ITPR2: variants seen among roughly 807,000 people sequenced by gnomAD.
ITPR2 encodes the protein inositol 1,4,5-trisphosphate-gated calcium channel ITPR2.
Under a neutral mutation model 317.1 loss-of-function variants are expected in ITPR2, and 207 were observed. The observed-to-expected ratio is 0.65, with a 90% CI of 0.58 to 0.73. The LOEUF (loss-of-function observed/expected upper bound fraction) is 0.73, where lower values mean the gene tolerates loss of function less well. Among genes scored for constraint, ITPR2 ranks in the 30% least tolerant of loss-of-function variants. The pLI is 0.00. For missense variants in ITPR2, 2,613 were observed against 3,284.0 expected (o/e 0.80, Z 4.99); for synonymous variants, 1,156 against 1,149.1 (o/e 1.01, Z -0.12).
chr12:26,573,976 C>G (rs998734628), intron 34 of ITPR2, among the ~76,000 whole-genome samples: 1 of 151,982 alleles, frequency 6.6e-6, no homozygotes, highest in South Asian at 2.1e-4. Flanking sequence ...CATCCATGTC[C>G]GATGATGGTA....
intron 1 of ITPR2, among the ~76,000 whole-genome samples, chr12:26,791,948 T>C (rs1350911023): frequency 2.6e-5 from 4 of 152,202 alleles, no homozygotes; most frequent in Admixed American, 1.3e-4. Flanking sequence ...AATTACATAA[T>C]GTAAAAATTA....
intron 8 of ITPR2, among the ~76,000 whole-genome samples, chr12:26,711,587 G>A (rs1228473967): frequency 2.0e-5 from 3 of 152,136 alleles, no homozygotes; most frequent in Non-Finnish European, 4.4e-5. Context: ...CATTTACTTG[G>A]CAGCTTGCAT....
At chr12:26,721,971 T>A (rs185735964) in intron 5 of ITPR2, among the ~76,000 whole-genome samples, 209 of 152,232 alleles carry the variant, frequency 1.4e-3, no homozygotes, top group African/African-American at 4.9e-3. Context: ...TTATAGACTG[T>A]CAGCAGCTGG....
intron 55 of ITPR2, among the ~76,000 whole-genome samples, chr12:26,363,737 T>C (rs531010836): frequency 1.7e-4 from 26 of 152,002 alleles, no homozygotes; most frequent in South Asian, 4.2e-4. Context: ...CCTGCACATG[T>C]ATCCCAGCAC....
chr12:26,577,588 A>G (rs1360288812), intron 34 of ITPR2, among the ~76,000 whole-genome samples: 1 of 152,178 alleles, frequency 6.6e-6, no homozygotes, highest in East Asian at 1.9e-4. Flanking sequence ...AAGTCTGTTA[A>G]GTATAATACT....
Position 26,768,584 on chromosome 12 carries a change from A to AAC in ITPR2, c.163+21572_163+21573insGT, listed in dbSNP as rs1565748826. Reference sequence around the variant, plus strand: ...TACAAATATATATAAAAAAAAAAAAAAAAAAAAAAAAAACCTCCTGTTTCC... The same window carrying AAC: ...TACAAATATATATAAAAAAAAAAAAAACAAAAAAAAAAAAACCTCCTGTTTCC... On this transcript the variant is annotated intron_variant, in intron 2 of 56. Coordinates refer to ENST00000381340, the MANE Select transcript of ITPR2 (RefSeq NM_002223.4). Among the ~76,000 whole-genome samples, 5 of 113,888 alleles carry AAC rather than the reference A, an allele frequency of 4.4e-5. 1 individual carries two copies. The allele number at this position is 113,888 out of a possible 152,430, so 74.7% of individuals were successfully genotyped here. A position where few individuals can be genotyped will look rare whatever the true frequency, so the allele number is the denominator to read the frequency against.
At position 26,658,043 on chromosome 12, in the gene ITPR2, A is replaced by G. The variant is rs1565671497; in HGVS notation, c.1974T>C (p.Ser658=). Residue 658 remains serine (S), a synonymous_variant, in exon 17 of 57, where the codon AGT becomes AGC. Transcript: ENST00000381340. Reference sequence around the variant, plus strand: ...GAATGAGAATGTCTGCATTGCCTGGACTCAACATAAATTTACAGATGAGTT... The same window carrying G: ...GAATGAGAATGTCTGCATTGCCTGGGCTCAACATAAATTTACAGATGAGTT... The part of the protein sequence containing the change: ...TQELICKFML[S]PGNADILIQT... 1.9e-6 allele frequency: 3 copies of G among 1,613,404 alleles called. No homozygotes were observed. Among genetic ancestry groups the G allele is most frequent in the Non-Finnish European group, 2.5e-6 (3 of 1,179,618 alleles).
intron 15 of ITPR2, among the ~76,000 whole-genome samples, chr12:26,660,785 T>C (rs1192663625): frequency 6.6e-6 from 1 of 152,122 alleles, no homozygotes; most frequent in Non-Finnish European, 1.5e-5. Flanking sequence ...TGTTAATAAA[T>C]AACTAAATGA....
intron 1 of ITPR2, among the ~76,000 whole-genome samples, chr12:26,824,325 C>A (rs1363016984): frequency 6.6e-6 from 1 of 152,130 alleles, no homozygotes; most frequent in Non-Finnish European, 1.5e-5. Context: ...AATTGTAAAT[C>A]AAACCATCAA....
At chr12:26,498,988 C>T (rs554697899) in intron 37 of ITPR2, among the ~76,000 whole-genome samples, 1 of 152,172 alleles carries the variant, frequency 6.6e-6, no homozygotes. Context: ...AGACATGAAC[C>T]TGGCCCTGGA....
chr12:26,617,601 AAAAGAAAAGAGG>A (rs1258373956), intron 26 of ITPR2, among the ~76,000 whole-genome samples: 2 of 151,836 alleles, frequency 1.3e-5, no homozygotes, highest in African/African-American at 2.4e-5. Flanking sequence ...AGAAAGAAAG[AAAAGAAAAGAGG>A]AAAGAAAAGA....
At chr12:26,686,677 C>A in intron 10 of ITPR2, 45 bp from the exon 11 acceptor site, 1 of 1,513,498 alleles carries the variant, frequency 6.6e-7, no homozygotes, top group Non-Finnish European at 9.0e-7. Flanking sequence ...ACGTTTCTTG[C>A]TAAACTCTCC....
In ITPR2 at chr12:26,695,756, A is replaced by G. The variant is rs1223793354; in HGVS notation, c.952-106T>C. On this transcript the variant is annotated intron_variant, in intron 9 of 56. Coordinates refer to ENST00000381340, the MANE Select transcript of ITPR2 (RefSeq NM_002223.4). The stretch of plus-strand genomic sequence containing the variant: ...TATTCTATCCTCAACTAAGTTTAAT[A>G]TAAAAAGATGCTAAGAAAGAAACTA... 9.8e-6 allele frequency: 7 copies of G among 712,534 alleles called. No individual in the cohort carries two copies. The African/African-American group carries it at 1.3e-4, about 13-fold the overall frequency. The allele number at this position is 712,534 out of a possible 1,614,324, so 44.1% of individuals were successfully genotyped here.
At chr12:26,379,066 G>A (rs1346955197) in intron 55 of ITPR2, among the ~76,000 whole-genome samples, 1 of 152,192 alleles carries the variant, frequency 6.6e-6, no homozygotes, top group Non-Finnish European at 1.5e-5. Context: ...CACATTGTAT[G>A]GGATCGAATA....
intron 26 of ITPR2, among the ~76,000 whole-genome samples, chr12:26,602,973 C>T (rs1213604675): frequency 2.0e-5 from 3 of 152,096 alleles, no homozygotes. Flanking sequence ...AGTTTTCATA[C>T]ATATTATTAG....
chr12:26,623,852 T>C (rs1481434744), intron 24 of ITPR2, among the ~76,000 whole-genome samples: 2 of 152,220 alleles, frequency 1.3e-5, no homozygotes, highest in Admixed American at 1.3e-4. Flanking sequence ...TCTTGTTTTA[T>C]TTAATCATGG....
At chr12:26,622,442 T>A in intron 24 of ITPR2, 37 bp from the exon 25 acceptor site, 1 of 1,482,900 alleles carries the variant, frequency 6.7e-7, no homozygotes, top group Non-Finnish European at 9.2e-7. Context: ...TGACTCCTAT[T>A]TATATAACAT....
chr12:26,536,252 C>T (rs906574167), intron 37 of ITPR2, among the ~76,000 whole-genome samples: 1 of 152,182 alleles, frequency 6.6e-6, no homozygotes, highest in African/African-American at 2.4e-5. Context: ...TCCCGAAGAA[C>T]TCAGGGTGGT....
chr12:26,388,647 T>C (rs1007960494), intron 54 of ITPR2, among the ~76,000 whole-genome samples: 5 of 151,898 alleles, frequency 3.3e-5, no homozygotes, highest in African/African-American at 1.2e-4. Flanking sequence ...TTTTTCTCTG[T>C]AGAGATGGAG....
Sources: gnomAD v4.1 joint callset for allele counts (sites outside exome capture counted in the v4.1 genomes callset) on GRCh38, gnomAD v4.1.1 for gene constraint, MANE v1.5 for transcripts, NCBI Gene and HGNC (gene_info 2026-07-23, HGNC 2026-07-21) for gene names.